The following SLC43A2 variants were observed in gnomAD, a reference collection of about 807,000 sequenced individuals.
The protein encoded by SLC43A2 is solute carrier family 43 member 2.
Under a neutral mutation model 63.2 loss-of-function variants are expected in SLC43A2, and 38 were observed. That is an observed-to-expected ratio of 0.60 (90% CI 0.46 to 0.79). The LOEUF (loss-of-function observed/expected upper bound fraction) is 0.79, where lower values mean the gene tolerates loss of function less well. SLC43A2 is among the 30% of genes least tolerant of loss of function. The pLI is 0.00. For missense variants in SLC43A2, 644 were observed against 756.2 expected, an observed-to-expected ratio of 0.85 and a Z score of 1.74; for synonymous variants, 322 against 331.0, an observed-to-expected ratio of 0.97 and a Z score of 0.30.
chr17:1,603,018 C>CA (rs1906219592), intron 5 of SLC43A2: 1 of 152,034 alleles, frequency 6.6e-6, no homozygotes. Flanking sequence ...CTCAGCCTCC[C>CA]AAAGTGCTGG....
chr17:1,583,918 T>C lies in SLC43A2; in HGVS notation c.1218-582A>G, dbSNP rs2151034734. 6.6e-6 allele frequency among the ~76,000 whole-genome samples: 1 copy of C among 152,036 alleles called. No homozygotes were observed. The highest frequency in any genetic ancestry group is 2.4e-5 in the African/African-American group (1 of 41,490). On this transcript the variant is annotated intron_variant, in intron 10 of 13. Coordinates refer to ENST00000301335, the MANE Select transcript of SLC43A2 (RefSeq NM_152346.3). The surrounding 1 kb of genome is among the most constrained non-coding windows in gnomAD (Gnocchi z 5.5). Reference sequence around the variant, plus strand: ...TTGTTCTTTGGGTTTTTTTTTGAGATGGAGTCTCGCTCTGTCACCCGGGCT... The same window carrying C: ...TTGTTCTTTGGGTTTTTTTTTGAGACGGAGTCTCGCTCTGTCACCCGGGCT...
At chr17:1,585,041 T>A (rs1175190756) in intron 10 of SLC43A2, among the ~76,000 whole-genome samples, 1 of 151,826 alleles carries the variant, frequency 6.6e-6, no homozygotes, top group Non-Finnish European at 1.5e-5. Context: ...CATGATTGAA[T>A]GCAATGAATG....
intron 5 of SLC43A2, among the ~76,000 whole-genome samples, chr17:1,609,991 C>A (rs766389576): frequency 2.6e-5 from 4 of 151,894 alleles, no homozygotes; most frequent in African/African-American, 4.8e-5. Context: ...CTCACTGCAA[C>A]CTCCGCCACC....
In SLC43A2 at chr17:1,583,244, C is replaced by T; in HGVS notation, c.1310G>A (p.Gly437Asp). The T allele has an allele frequency of 6.2e-7, 1 of 1,614,170 alleles. No homozygotes were observed. Among genetic ancestry groups the T allele is most frequent in the Non-Finnish European group, 8.5e-7 (1 of 1,180,026 alleles). ...GGGAATGAGGCAGGTCACCCCAAAGCCCACGAGCAGCAGGTTGGTGAAGGC... is the reference window on the plus strand; with the variant it reads ...GGGAATGAGGCAGGTCACCCCAAAGTCCACGAGCAGCAGGTTGGTGAAGGC... ...AFAFTNLLLV[G>D]FGVTCLIPNL... The change falls in exon 11 of 14, where the codon GGC (glycine) becomes GAC (aspartate). Residue 437 changes from glycine (G) to aspartate (D), a missense_variant. Physicochemically the swap from Gly to Asp is moderately conservative, Grantham distance 94 (BLOSUM62 -1). This residue lies in a region of SLC43A2 where 528 missense variants were observed against 623.6 expected (regional missense o/e 0.85). Transcript: ENST00000301335. The surrounding 1 kb of genome is among the most constrained non-coding windows in gnomAD (Gnocchi z 5.5).
intron 2 of SLC43A2, among the ~76,000 whole-genome samples, chr17:1,617,962 G>C (rs1210990117): frequency 6.6e-6 from 1 of 152,252 alleles, no homozygotes; most frequent in African/African-American, 2.4e-5. Flanking sequence ...TAATCCTGCA[G>C]AAAACAGGAG....
At chr17:1,598,765 A>G (rs1279748897) in intron 5 of SLC43A2, among the ~76,000 whole-genome samples, 3 of 152,098 alleles carry the variant, frequency 2.0e-5, no homozygotes, top group East Asian at 1.9e-4. Context: ...CACTAGATCC[A>G]GGATGGGGAA....
At chr17:1,604,933 CGGTG>C in intron 5 of SLC43A2, 2 of 1,520,860 alleles carry the variant, frequency 1.3e-6, no homozygotes, top group Non-Finnish European at 1.8e-6. Flanking sequence ...TTCGAAGCCG[CGGTG>C]CCGGAGTGAG....
rs2075951302 is a variant in SLC43A2 at position 1,577,431 on chromosome 17, G to T, written c.1425-711C>A. ...CCACAGATCCCGCCCCCCTCCCTCAGACCCTGCCAGGACAGCCACAGCTTC... is the reference window on the plus strand; with the variant it reads ...CCACAGATCCCGCCCCCCTCCCTCATACCCTGCCAGGACAGCCACAGCTTC... On this transcript the variant is annotated intron_variant, in intron 12 of 13. Coordinates refer to ENST00000301335, the MANE Select transcript of SLC43A2 (RefSeq NM_152346.3). The surrounding 1 kb of genome is among the most constrained non-coding windows in gnomAD (Gnocchi z 4.9). Among the ~76,000 whole-genome samples the T allele has an allele frequency of 6.6e-6, 1 of 152,204 alleles. No individual in the cohort carries two copies. Among genetic ancestry groups the T allele is most frequent in the Non-Finnish European group, 1.5e-5 (1 of 68,038 alleles).
intron 2 of SLC43A2, among the ~76,000 whole-genome samples, chr17:1,618,486 G>A (rs1907878051): frequency 6.6e-6 from 1 of 152,208 alleles, no homozygotes; most frequent in Non-Finnish European, 1.5e-5. Context: ...GCTCCGGCGG[G>A]GAATCACGGC....
At chr17:1,613,624 T>C (rs892069049) in intron 4 of SLC43A2, among the ~76,000 whole-genome samples, 5 of 152,150 alleles carry the variant, frequency 3.3e-5, no homozygotes, top group Admixed American at 6.5e-5. Context: ...GGCTAATTTT[T>C]GTATGTCTTG....
intron 2 of SLC43A2, among the ~76,000 whole-genome samples, chr17:1,624,205 G>A (rs1426381862): frequency 1.3e-5 from 2 of 152,356 alleles, no homozygotes; most frequent in East Asian, 3.9e-4. Flanking sequence ...GGGAGCCCGA[G>A]GTGGGTGGAT....
At chr17:1,596,305 C>T (rs548536880) in intron 5 of SLC43A2, among the ~76,000 whole-genome samples, 4 of 150,712 alleles carry the variant, frequency 2.7e-5, no homozygotes, top group South Asian at 2.1e-4. Context: ...GGCAAGAGTG[C>T]GAGACTCCAT....
At chr17:1,600,154 T>TATA (rs1567630909) in intron 5 of SLC43A2, among the ~76,000 whole-genome samples, 82 of 28,984 alleles carry the variant, frequency 2.8e-3, no homozygotes, top group Middle Eastern at 0.029. Context: ...ATATATATAT[T>TATA]TTTTTTTTTT....
Position 1,578,401 on chromosome 17 carries a change from G to A in SLC43A2, c.1351-78C>T. ...CAGCCCCCGCCCTCCAATTCCTGGGGGCCCTCACCCCAGGGGCAGTGTCAG... is the reference window on the plus strand; with the variant it reads ...CAGCCCCCGCCCTCCAATTCCTGGGAGCCCTCACCCCAGGGGCAGTGTCAG... On this transcript the variant is annotated intron_variant, in intron 11 of 13. Coordinates refer to ENST00000301335, the MANE Select transcript of SLC43A2 (RefSeq NM_152346.3). The surrounding 1 kb of genome is among the most constrained non-coding windows in gnomAD (Gnocchi z 6.5). 11 of 1,412,244 alleles carry A rather than the reference G, an allele frequency of 7.8e-6. No individual in the cohort carries two copies. Among genetic ancestry groups the A allele is most frequent in the Non-Finnish European group, 1.1e-5 (11 of 1,020,870 alleles). 87.5% of individuals were successfully genotyped at this position (1,412,244 alleles called of 1,614,324 possible).
chr17:1,590,484 C>T (rs755897145), intron 9 of SLC43A2, among the ~76,000 whole-genome samples: 12 of 152,072 alleles, frequency 7.9e-5, no homozygotes, highest in Non-Finnish European at 1.2e-4. Context: ...TCAGGTGGAG[C>T]GTTCTGTTCT....
chr17:1,611,284 C>T (rs1385380267), intron 5 of SLC43A2, among the ~76,000 whole-genome samples: 2 of 152,160 alleles, frequency 1.3e-5, no homozygotes, highest in Non-Finnish European at 2.9e-5. Context: ...AGAGGCGTCG[C>T]GTGACTAAAA....
Position 1,593,104 on chromosome 17 carries a change from C to T in SLC43A2, c.594+83G>A. The T allele has an allele frequency of 2.1e-6, 3 of 1,410,116 alleles. No individual in the cohort carries two copies. The highest frequency in any genetic ancestry group is 2.4e-5 in the South Asian group (2 of 82,384). 87.4% of individuals were successfully genotyped at this position (1,410,116 alleles called of 1,614,324 possible). On this transcript the variant is annotated intron_variant, in intron 6 of 13. Transcript: ENST00000301335. This position sits in a 1 kb window ranked among gnomAD's most constrained non-coding sequence, Gnocchi z 5.3. ...GGAGAGGGGCCACCCCGGGTGCCCA[C>T]AATTGCCTCCCTCTTCAGAGAGGGT...
At chr17:1,591,739 G>GCCCCCCCC in intron 6 of SLC43A2, 40 bp from the exon 7 acceptor site, 1 of 512,308 alleles carries the variant, frequency 2.0e-6, no homozygotes, top group Non-Finnish European at 3.9e-6. Flanking sequence ...GGGGGAGGGG[G>GCCCCCCCC]CAGAGTTAGC....
rs1377797174 is a variant in SLC43A2 at position 1,569,679 on chromosome 17, G to C, written c.*5925C>G. 1 of 152,392 alleles carries C rather than the reference G, an allele frequency of 6.6e-6. No homozygotes were observed. Among genetic ancestry groups the C allele is most frequent in the African/African-American group, 2.4e-5 (1 of 41,436 alleles). The allele number at this position is 152,392 out of a possible 1,614,324, so 9.4% of individuals were successfully genotyped here. ...GTGTACAGGTGCTGCCTACGTGACC[G>C]TGCCTTGAGTCGCCCCACTCAGCAG... On this transcript the variant is annotated 3_prime_UTR_variant, in exon 14 of 14. Transcript: ENST00000301335.
Sources: allele counts gnomAD v4.1 joint callset (sites outside exome capture counted in the v4.1 genomes callset), GRCh38; gene constraint gnomAD v4.1.1; regional missense constraint gnomAD v4.1.1; non-coding constraint Gnocchi (gnomAD v3.1); transcripts MANE v1.5; gene names NCBI Gene and HGNC (gene_info 2026-07-23, HGNC 2026-07-21).